G3BP2: variants seen among roughly 807,000 people sequenced by gnomAD.
G3BP2 encodes the protein G3BP stress granule assembly factor 2.
G3BP2 carries 11 observed loss-of-function variants against 56.7 expected under a neutral mutation model. That is an observed-to-expected ratio of 0.19 (90% CI 0.12 to 0.32). G3BP2 has a LOEUF of 0.32. Among genes scored for constraint, G3BP2 ranks in the 10% least tolerant of loss-of-function variants. The probability of loss-of-function intolerance (pLI) is 1.00; values close to 1 mark genes in which losing one functional copy is unlikely to be tolerated. For missense variants in G3BP2, 340 were observed against 610.9 expected (o/e 0.56, Z 4.67); for synonymous variants, 165 against 191.6 (o/e 0.86, Z 1.15).
intron 3 of G3BP2, among the ~76,000 whole-genome samples, chr4:75,689,987 T>TA (rs1718783551): frequency 6.6e-6 from 1 of 152,214 alleles, no homozygotes; most frequent in African/African-American, 2.4e-5. Context: ...GTGTGCTGGT[T>TA]ACATGGGAGA....
chr4:75,687,110 T>A (rs1040489126), intron 3 of G3BP2, among the ~76,000 whole-genome samples: 1 of 152,156 alleles, frequency 6.6e-6, no homozygotes, highest in African/African-American at 2.4e-5. Context: ...GCAGTATTTT[T>A]TTTTTTAACT....
At chr4:75,677,270 G>A (rs1733908563), upstream of G3BP2, among the ~76,000 whole-genome samples, 1 of 152,138 alleles carries the variant, frequency 6.6e-6, no homozygotes, top group Non-Finnish European at 1.5e-5. Context: ...TGAAGTAGGT[G>A]TATACGAGAT....
At chr4:75,717,497 T>C (rs1011799710) in intron 3 of G3BP2, among the ~76,000 whole-genome samples, 1 of 152,134 alleles carries the variant, frequency 6.6e-6, no homozygotes, top group Admixed American at 6.5e-5. Flanking sequence ...CACTCCCTCC[T>C]GCCACAAATA....
chr4:75,694,775 A>G (rs1252924582), intron 3 of G3BP2: 1 of 986,930 alleles, frequency 1.0e-6, no homozygotes, highest in Non-Finnish European at 1.2e-6. Flanking sequence ...CAAACAAAAA[A>G]CCACTATGTC....
chr4:75,721,546 C>T (rs1048394444), intron 2 of G3BP2, among the ~76,000 whole-genome samples: 4 of 152,086 alleles, frequency 2.6e-5, no homozygotes, highest in Non-Finnish European at 4.4e-5. Flanking sequence ...CCATGAGCTA[C>T]GTCTTTAAAA....
At chr4:75,710,640 A>G (rs1190292879) in intron 3 of G3BP2, among the ~76,000 whole-genome samples, 1 of 152,190 alleles carries the variant, frequency 6.6e-6, no homozygotes. Flanking sequence ...TGATGAAGCC[A>G]GGATTCAAAT....
At chr4:75,666,407 C>T (rs1733038633) in intron 1 of G3BP2, among the ~76,000 whole-genome samples, 1 of 152,152 alleles carries the variant, frequency 6.6e-6, no homozygotes, top group Admixed American at 6.5e-5. Context: ...TTTTAAGGTG[C>T]AGAGGAGGCT....
Position 75,645,478 on chromosome 4 carries a change from T to C in G3BP2, c.1401A>G (p.Gly467=), listed in dbSNP as rs747880999. ...RGGMAQKLGS[G]RGTGQMEGRF... is the part of the protein sequence containing the mutation. Reference sequence around the variant, plus strand: ...GGCCCTCCATTTGCCCGGTTCCTCTTCCAGAGCCAAGTTTCTGTGCCATGC... The same window carrying C: ...GGCCCTCCATTTGCCCGGTTCCTCTCCCAGAGCCAAGTTTCTGTGCCATGC... The change falls in exon 12 of 12, where the codon GGA becomes GGG. Residue 467 remains glycine, a synonymous_variant. Coordinates refer to ENST00000359707, the MANE Select transcript of G3BP2 (RefSeq NM_203505.3). 9 of 1,614,006 alleles carry C rather than the reference T, an allele frequency of 5.6e-6. No individual in the cohort carries two copies. The highest frequency in any genetic ancestry group is 7.6e-6 in the Non-Finnish European group (9 of 1,180,016).
At position 75,658,942 on chromosome 4, in the gene G3BP2, A is replaced by G; in HGVS notation, c.96-18T>C. ...CATAAAACCTGCAAAACCATAATTAATGATTAACACTGAATTGTCAAGAGA... is the reference window on the plus strand; with the variant it reads ...CATAAAACCTGCAAAACCATAATTAGTGATTAACACTGAATTGTCAAGAGA... On this transcript the variant is annotated intron_variant, in intron 2 of 11. Transcript: ENST00000359707. 1 of 1,546,948 alleles carries G rather than the reference A, an allele frequency of 6.5e-7. No individual in the cohort carries two copies. The highest frequency in any genetic ancestry group is 1.4e-5 in the African/African-American group (1 of 73,748).
intron 3 of G3BP2, among the ~76,000 whole-genome samples, chr4:75,719,446 A>C (rs1222768112): frequency 6.6e-6 from 1 of 152,144 alleles, no homozygotes; most frequent in Non-Finnish European, 1.5e-5. Flanking sequence ...AGTACTAAGT[A>C]ATATGAACGT....
intron 3 of G3BP2, among the ~76,000 whole-genome samples, chr4:75,718,403 T>C (rs905002583): frequency 5.3e-5 from 8 of 152,312 alleles, no homozygotes; most frequent in African/African-American, 1.9e-4. Flanking sequence ...TAACATGATC[T>C]TTTGAATCTT....
intron 3 of G3BP2, among the ~76,000 whole-genome samples, chr4:75,699,852 G>C (rs1241464236): frequency 6.6e-6 from 1 of 152,050 alleles, no homozygotes; most frequent in Non-Finnish European, 1.5e-5. Context: ...TGCTCATAAA[G>C]AATGTAGGAA....
In G3BP2 at chr4:75,646,471, A is replaced by G. The variant is rs761489238; in HGVS notation, c.1058-15T>C. On this transcript the variant is annotated splice_polypyrimidine_tract_variant and intron_variant, in intron 10 of 11. Transcript: ENST00000359707. ...GTTTCCAAAACCTGTGAAAATATAC[A>G]TTACATCAAGGGTTAAATATTTTTA... 4.5e-6 allele frequency: 6 copies of G among 1,339,774 alleles called. No homozygotes were observed. Among genetic ancestry groups the G allele is most frequent in the Non-Finnish European group, 6.5e-6 (6 of 929,896 alleles). 83.0% of individuals were successfully genotyped at this position (1,339,774 alleles called of 1,614,324 possible). A position where few individuals can be genotyped will look rare whatever the true frequency, so the allele number is the denominator to read the frequency against.
rs1019497806 is a variant in G3BP2, at chr4:75,662,221, A to T, written c.-24-172T>A. 977 of 287,672 alleles carry T rather than the reference A, an allele frequency of 3.4e-3. 3 individuals carry two copies. The highest frequency in any genetic ancestry group is 5.2e-3 in the Admixed American group (95 of 18,238). The allele number at this position is 287,672 out of a possible 1,614,324, so 17.8% of individuals were successfully genotyped here. A position where few individuals can be genotyped will look rare whatever the true frequency, so the allele number is the denominator to read the frequency against. ...ACTACCATCAGACTAACCTGAAATA[A>T]TTTTTTTTTTTTTTTTTTGAGACGG... On this transcript the variant is annotated intron_variant, in intron 1 of 11. Coordinates refer to ENST00000359707, the MANE Select transcript of G3BP2 (RefSeq NM_203505.3).
At chr4:75,705,099 G>T (rs1351660993) in intron 3 of G3BP2, among the ~76,000 whole-genome samples, 1 of 152,068 alleles carries the variant, frequency 6.6e-6, no homozygotes, top group East Asian at 1.9e-4. Flanking sequence ...TGTGACCCAG[G>T]GAAGCCAAAA....
intron 3 of G3BP2, among the ~76,000 whole-genome samples, chr4:75,679,955 G>C (rs1050118842): frequency 3.9e-5 from 6 of 152,312 alleles, no homozygotes; most frequent in African/African-American, 1.4e-4. Flanking sequence ...ACTTTGAAAA[G>C]AGGAAATATT....
intron 9 of G3BP2, among the ~76,000 whole-genome samples, chr4:75,647,984 T>C (rs1050779174): frequency 6.6e-6 from 1 of 152,152 alleles, no homozygotes; most frequent in Non-Finnish European, 1.5e-5. Context: ...CAAAATGGGC[T>C]TATTGTTTAT....
intron 8 of G3BP2, chr4:75,648,984 C>T: frequency 6.6e-6 from 2 of 304,006 alleles, no homozygotes; most frequent in Non-Finnish European, 6.1e-6. Flanking sequence ...TTGCTTTTTA[C>T]AGTCACATTT....
At chr4:75,669,342 TCA>T (rs1237636053) in intron 1 of G3BP2, among the ~76,000 whole-genome samples, 2 of 152,242 alleles carry the variant, frequency 1.3e-5, no homozygotes, top group Non-Finnish European at 2.9e-5. Context: ...ACTTGAAAGC[TCA>T]GTCGTGACTT....
Sources: allele counts gnomAD v4.1 joint callset (sites outside exome capture counted in the v4.1 genomes callset), GRCh38; gene constraint gnomAD v4.1.1; transcripts MANE v1.5; gene names NCBI Gene and HGNC (gene_info 2026-07-23, HGNC 2026-07-21).